Variants in CSMD1 observed in about 807,000 individuals in gnomAD.
CSMD1 encodes CUB and sushi domain-containing protein 1.
In CSMD1, 213 loss-of-function variants were observed where a neutral mutation model predicts 417.5. That is an observed-to-expected ratio of 0.51 (90% CI 0.46 to 0.57). The LOEUF (loss-of-function observed/expected upper bound fraction) is 0.57, where lower values mean the gene tolerates loss of function less well. Ranked by LOEUF, CSMD1 falls within the 20% of genes least tolerant of loss-of-function variation. The pLI is 0.00. For synonymous variants in CSMD1, 2,862 were observed against 1,736.8 expected, an observed-to-expected ratio of 1.65 and a Z score of -16.11; for missense variants, 6,923 against 4,529.7, an observed-to-expected ratio of 1.53 and a Z score of -15.17.
chr8:4,015,119 T>G (rs915224393), intron 4 of CSMD1, among the ~76,000 whole-genome samples: 1 of 152,190 alleles, frequency 6.6e-6, no homozygotes, highest in African/African-American at 2.4e-5. Context: ...AAAACCAAAT[T>G]GTCTAAAACT....
chr8:3,236,216 C>T (rs1799146231), intron 26 of CSMD1, among the ~76,000 whole-genome samples: 1 of 151,974 alleles, frequency 6.6e-6, no homozygotes, highest in Non-Finnish European at 1.5e-5. Context: ...CCGCGCCTCG[C>T]CGAAAATGTG....
chr8:3,874,830 T>C (rs1323303612), intron 5 of CSMD1, among the ~76,000 whole-genome samples: 2 of 152,006 alleles, frequency 1.3e-5, no homozygotes, highest in Non-Finnish European at 2.9e-5. Flanking sequence ...ACGGGGTCAA[T>C]TTCGGAGGAT....
At chr8:4,202,889 A>G (rs1165039804) in intron 3 of CSMD1, among the ~76,000 whole-genome samples, 1 of 152,190 alleles carries the variant, frequency 6.6e-6, no homozygotes, top group Non-Finnish European at 1.5e-5. Context: ...GTCCTGGAGA[A>G]GGGGCATGGA....
intron 3 of CSMD1, among the ~76,000 whole-genome samples, chr8:4,363,816 CAT>C (rs1180038992): frequency 9.2e-5 from 14 of 152,280 alleles, no homozygotes; most frequent in Admixed American, 2.6e-4. Context: ...AAATTCATCA[CAT>C]GTTCTCACTT....
At chr8:3,351,481 C>T (rs1174119827) in intron 21 of CSMD1, among the ~76,000 whole-genome samples, 3 of 151,498 alleles carry the variant, frequency 2.0e-5, no homozygotes, top group Non-Finnish European at 2.9e-5. Context: ...CGTGGTGGCA[C>T]ATGCCTGTAA....
At chr8:4,510,368 G>C (rs943924319) in intron 2 of CSMD1, among the ~76,000 whole-genome samples, 27 of 52,604 alleles carry the variant, frequency 5.1e-4, no homozygotes, top group African/African-American at 2.0e-3. Flanking sequence ...ATTTTTTGTA[G>C]ACAATTAAAA....
intron 3 of CSMD1, among the ~76,000 whole-genome samples, chr8:4,053,334 C>G (rs1173438045): frequency 6.6e-6 from 1 of 152,036 alleles, no homozygotes; most frequent in South Asian, 2.1e-4. Flanking sequence ...ATCAGACTGA[C>G]CTTTAGTTAG....
intron 3 of CSMD1, among the ~76,000 whole-genome samples, chr8:4,054,830 C>A (rs1186587896): frequency 1.3e-5 from 2 of 152,276 alleles, no homozygotes; most frequent in East Asian, 1.9e-4. Context: ...ATCTATCTAG[C>A]CACAGCAGCC....
chr8:3,688,420 C>T (rs1480304623), intron 7 of CSMD1, among the ~76,000 whole-genome samples: 1 of 152,164 alleles, frequency 6.6e-6, no homozygotes, highest in African/African-American at 2.4e-5. Flanking sequence ...AGATTTTAGA[C>T]TTTGAAACTG....
At chr8:4,059,939 T>C (rs1415490836) in intron 3 of CSMD1, among the ~76,000 whole-genome samples, 1 of 151,916 alleles carries the variant, frequency 6.6e-6, no homozygotes, top group African/African-American at 2.4e-5. Context: ...CCTAACTCAT[T>C]TCATGAGGCC....
At chr8:4,300,698 C>T (rs1217627114) in intron 3 of CSMD1, among the ~76,000 whole-genome samples, 2 of 152,158 alleles carry the variant, frequency 1.3e-5, no homozygotes, top group Non-Finnish European at 2.9e-5. Flanking sequence ...CCCAACCCCA[C>T]AACAGTCCCC....
chr8:4,806,144 T>C (rs1798573065), intron 1 of CSMD1, among the ~76,000 whole-genome samples: 1 of 152,154 alleles, frequency 6.6e-6, no homozygotes, highest in African/African-American at 2.4e-5. Context: ...CAAAAGTCTC[T>C]AGGAAGTGAT....
At chr8:4,342,159 G>T (rs59870287) in intron 3 of CSMD1, among the ~76,000 whole-genome samples, 12,039 of 151,844 alleles carry the variant, frequency 0.079, 562 homozygotes, top group South Asian at 0.22. Flanking sequence ...TGTCTACCAA[G>T]CCACATTCTT....
At chr8:3,895,928 A>T (rs1333637223) in intron 5 of CSMD1, among the ~76,000 whole-genome samples, 2 of 152,190 alleles carry the variant, frequency 1.3e-5, no homozygotes, top group Non-Finnish European at 2.9e-5. Context: ...AGAGGCACCA[A>T]CCAATAGGCA....
intron 12 of CSMD1, among the ~76,000 whole-genome samples, chr8:3,411,769 C>CGTGTATATAT (rs1812733460): frequency 7.2e-5 from 8 of 111,066 alleles, no homozygotes; most frequent in African/African-American, 2.1e-4. Context: ...CGTGTATATA[C>CGTGTATATAT]GTGTGTATAT....
chr8:4,530,829 G>C (rs533760652), intron 2 of CSMD1, among the ~76,000 whole-genome samples: 3 of 151,738 alleles, frequency 2.0e-5, no homozygotes, highest in Non-Finnish European at 4.4e-5. Context: ...TTCTACTATA[G>C]GCAGCGCTTT....
chr8:3,444,076 C>G (rs1337488999), intron 12 of CSMD1, among the ~76,000 whole-genome samples: 1 of 152,158 alleles, frequency 6.6e-6, no homozygotes, highest in East Asian at 1.9e-4. Context: ...TCTATACACA[C>G]ACACACGCAC....
chr8:3,917,033 T>G (rs1216779604), intron 5 of CSMD1, among the ~76,000 whole-genome samples: 1 of 152,210 alleles, frequency 6.6e-6, no homozygotes, highest in Admixed American at 6.5e-5. Context: ...AAATTGATTT[T>G]ATTTTCTTCC....
At chr8:4,207,988 A>G (rs1225428077) in intron 3 of CSMD1, among the ~76,000 whole-genome samples, 2 of 152,164 alleles carry the variant, frequency 1.3e-5, no homozygotes, top group African/African-American at 4.8e-5. Context: ...GAAATAGTTA[A>G]GCAGAGAAAA....
Sources: gnomAD v4.1 joint callset for allele counts (sites outside exome capture counted in the v4.1 genomes callset) on GRCh38, gnomAD v4.1.1 for gene constraint, MANE v1.5 for transcripts, NCBI Gene and HGNC (gene_info 2026-07-23, HGNC 2026-07-21) for gene names.